RLN1: variants seen among roughly 807,000 people sequenced by gnomAD.
The protein encoded by RLN1 is prorelaxin H1.
A neutral mutation model predicts 7.2 loss-of-function variants in RLN1; 4 were observed. The observed-to-expected ratio is 0.56, with a 90% CI of 0.28 to 1.28. The LOEUF (loss-of-function observed/expected upper bound fraction) is 1.28, where lower values mean the gene tolerates loss of function less well. Ranked by LOEUF, RLN1 falls within the 50% of genes most tolerant of loss-of-function variation. RLN1 has a pLI of 0.11. For synonymous variants in RLN1, 105 were observed against 86.0 expected (o/e 1.22, Z -1.22); for missense variants, 293 against 221.1 (o/e 1.32, Z -2.06).
upstream of RLN1, among the ~76,000 whole-genome samples, chr9:5,340,082 G>A (rs936137749): frequency 4.6e-5 from 7 of 152,148 alleles, no homozygotes; most frequent in African/African-American, 1.7e-4. Flanking sequence ...CTTAGGTAAA[G>A]TTATTTTAGA....
chr9:5,337,401 T>A (rs964728839), intron 1 of RLN1, among the ~76,000 whole-genome samples: 12 of 152,094 alleles, frequency 7.9e-5, no homozygotes, highest in Admixed American at 1.3e-4. Context: ...CTTTTAGCTA[T>A]GGAACCTAGG....
In RLN1 at chr9:5,335,549, A is replaced by G. The variant is rs747185115; in HGVS notation, c.260T>C (p.Met87Thr). The G allele has an allele frequency of 9.9e-6, 16 of 1,612,016 alleles. No individual in the cohort carries two copies. Among genetic ancestry groups the G allele is most frequent in the Admixed American group, 3.3e-5 (2 of 59,722 alleles). Residue 87 changes from methionine (M) to threonine (T), a missense_variant, in exon 2 of 2, where the codon ATG becomes ACG. By Grantham distance (81) the Met-to-Thr change is moderately conservative (BLOSUM62 -1). Transcript: ENST00000223862. ...INKDTETIII[M>T]LEFIANLPPE... Reference sequence around the variant, plus strand: ...TGGCAAATTAGCAATGAATTCCAACATGATAATTATAGTTTCTGTATCTTT... The same window carrying G: ...TGGCAAATTAGCAATGAATTCCAACGTGATAATTATAGTTTCTGTATCTTT...
At chr9:5,340,593 A>T (rs542375660), upstream of RLN1, among the ~76,000 whole-genome samples, 1 of 152,352 alleles carries the variant, frequency 6.6e-6, no homozygotes, top group African/African-American at 2.4e-5. Flanking sequence ...TGGACATCCC[A>T]CATTCCCAGA....
intron 1 of RLN1, among the ~76,000 whole-genome samples, chr9:5,336,829 G>A (rs1190651946): frequency 6.6e-6 from 1 of 151,846 alleles, no homozygotes; most frequent in Admixed American, 6.6e-5. Context: ...GCAGACACCT[G>A]GTTAACCACT....
chr9:5,336,294 G>C (rs1018018803), intron 1 of RLN1, among the ~76,000 whole-genome samples: 1 of 152,060 alleles, frequency 6.6e-6, no homozygotes, highest in Admixed American at 6.6e-5. Flanking sequence ...AGATTCATAT[G>C]TGCTGTGGTG....
chr9:5,335,279 G>A lies in RLN1; in HGVS notation c.530C>T (p.Thr177Ile). 1.3e-6 allele frequency: 2 copies of A among 1,596,716 alleles called. No individual in the cohort carries two copies. The highest frequency in any genetic ancestry group is 1.7e-6 in the Non-Finnish European group (2 of 1,174,896). Residue 177 changes from threonine to isoleucine, a missense_variant, in exon 2 of 2, where the codon ACC becomes ATC. Thr to Ile is a moderately conservative substitution (Grantham distance 89). Coordinates refer to ENST00000223862, the MANE Select transcript of RLN1 (RefSeq NM_006911.4). ...LFEKCCLIGCTKRSLAKYC is the reference protein window; with the variant it reads ...LFEKCCLIGCIKRSLAKYC ...GCAATATTTAGCAAGAGACCTTTTG[G>A]TACAACCAATTAGGCAACATTTCTC...
chr9:5,337,937 A>G (rs1279294951), intron 1 of RLN1, among the ~76,000 whole-genome samples: 3 of 152,074 alleles, frequency 2.0e-5, no homozygotes, highest in Non-Finnish European at 2.9e-5. Flanking sequence ...TATGACAAAA[A>G]TACTACACAG....
Position 5,339,798 on chromosome 9 carries a change from C to G in RLN1, c.-52G>C. Reference sequence around the variant, plus strand: ...TGGGTGTTGCAGCCTTTCAGGACTGCGGCTGCTGTGGCCTACACACCTGGG... The same window carrying G: ...TGGGTGTTGCAGCCTTTCAGGACTGGGGCTGCTGTGGCCTACACACCTGGG... On this transcript the variant is annotated 5_prime_UTR_variant, in exon 1 of 2. Transcript: ENST00000223862. 6.3e-7 allele frequency: 1 copy of G among 1,585,398 alleles called. No homozygotes were observed. The highest frequency in any genetic ancestry group is 8.7e-7 in the Non-Finnish European group (1 of 1,156,006).
At chr9:5,340,137 G>A (rs75825221), upstream of RLN1, among the ~76,000 whole-genome samples, 763 of 152,138 alleles carry the variant, frequency 5.0e-3, 4 homozygotes, top group African/African-American at 0.017. Flanking sequence ...AATTGAGATC[G>A]CCAATATTCT....
intron 1 of RLN1, among the ~76,000 whole-genome samples, chr9:5,336,159 T>C (rs757313989): frequency 6.6e-6 from 1 of 152,084 alleles, no homozygotes; most frequent in Non-Finnish European, 1.5e-5. Context: ...AAATCTCTGA[T>C]GTTCCTCAAT....
intron 1 of RLN1, among the ~76,000 whole-genome samples, chr9:5,336,097 A>G (rs777656235): frequency 6.6e-6 from 1 of 152,016 alleles, no homozygotes; most frequent in Non-Finnish European, 1.5e-5. Context: ...CTGGAGGATA[A>G]AGTTAAAGAG....
chr9:5,336,585 T>C (rs1816898826), intron 1 of RLN1, among the ~76,000 whole-genome samples: 1 of 152,106 alleles, frequency 6.6e-6, no homozygotes, highest in African/African-American at 2.4e-5. Flanking sequence ...TGTTTCTTGC[T>C]GTCAAAAAAC....
chr9:5,339,391 G>T (rs1261639999), intron 1 of RLN1, 145 bp downstream of exon 1: 7 of 575,212 alleles, frequency 1.2e-5, no homozygotes, highest in African/African-American at 2.9e-5. Context: ...AAACTTTAGG[G>T]ACCAGCCACG....
At position 5,339,577 on chromosome 9, in the gene RLN1, A is replaced by G. The variant is rs1293199812; in HGVS notation, c.170T>C (p.Leu57Pro). 1 of 1,607,836 alleles carries G rather than the reference A, an allele frequency of 6.2e-7. No individual in the cohort carries two copies. Among genetic ancestry groups the G allele is most frequent in the East Asian group, 2.2e-5 (1 of 44,722 alleles). The change falls in exon 1 of 2, where the codon CTG becomes CCG. Residue 57 changes from leucine to proline, a missense_variant. Transcript: ENST00000223862. ...CGMSTWSKRS[L>P]SQEDAPQTPR... ...TGTCTGAGGAGCATCTTCCTGGCTC[A>G]GAGACCTTTTGCTCCAGGTGCTCAT... is the stretch of plus-strand genomic sequence containing the variant.
chr9:5,340,004 T>C (rs140073699), upstream of RLN1: 1,182 of 540,602 alleles, frequency 2.2e-3, 8 homozygotes, highest in African/African-American at 0.019. Flanking sequence ...ATTTGCCCAT[T>C]CCTCTGTCCT....
In RLN1 at chr9:5,339,739, C is replaced by A. The variant is rs138075606; in HGVS notation, c.8G>T (p.Arg3Leu). MP[R>L]LFLFHLLEFC... ...TTCTAGCAGGTGGAACAAGAACAGG[C>A]GAGGCATCCTGGGCCTGGTCTCTCC... The change falls in exon 1 of 2, where the codon CGC (arginine) becomes CTC (leucine). Residue 3 changes from arginine (R) to leucine (L), a missense_variant. Arg to Leu is a moderately radical substitution (Grantham distance 102). Transcript: ENST00000223862. The A allele has an allele frequency of 5.3e-4, 848 of 1,613,456 alleles. 2 individuals are homozygous for A. The highest frequency in any genetic ancestry group is 7.0e-4 in the Non-Finnish European group (823 of 1,180,010).
chr9:5,336,241 G>C (rs1440861605), intron 1 of RLN1, among the ~76,000 whole-genome samples: 1 of 152,060 alleles, frequency 6.6e-6, no homozygotes, highest in Non-Finnish European at 1.5e-5. Flanking sequence ...AAAGAGAGAA[G>C]TGGGTTAAAA....
intron 1 of RLN1, chr9:5,339,308 A>G (rs1816942151): frequency 9.6e-6 from 4 of 418,438 alleles, no homozygotes; most frequent in Non-Finnish European, 1.6e-5. Context: ...TCCTGTTCTC[A>G]GTGCTTTCCC....
At chr9:5,339,473 G>A (rs1816945303) in intron 1 of RLN1, 63 bp downstream of exon 1, 2 of 1,194,840 alleles carry the variant, frequency 1.7e-6, no homozygotes, top group Admixed American at 2.2e-5. Flanking sequence ...TTCCAATTGG[G>A]CGGCCGCCCC....
Sources: allele counts gnomAD v4.1 joint callset (sites outside exome capture counted in the v4.1 genomes callset), GRCh38; gene constraint gnomAD v4.1.1; transcripts MANE v1.5; gene names NCBI Gene and HGNC (gene_info 2026-07-23, HGNC 2026-07-21).